Variants in TEPSIN observed in about 807,000 individuals in gnomAD.
The protein encoded by TEPSIN is TEPSIN adaptor related protein complex 4 accessory protein.
Under a neutral mutation model 48.5 loss-of-function variants are expected in TEPSIN, and 50 were observed. The ratio of observed to expected loss-of-function variants is 1.03; its 90% CI spans 0.82 to 1.31. TEPSIN has a LOEUF of 1.31. Ranked by LOEUF, TEPSIN falls within the 50% of genes most tolerant of loss-of-function variation. The pLI is 0.00. For missense variants in TEPSIN, 838 were observed against 815.9 expected (o/e 1.03, Z -0.33); for synonymous variants, 392 against 358.8 (o/e 1.09, Z -1.05).
chr17:81,230,721 G>C lies in TEPSIN; in HGVS notation c.1099-43C>G. On this transcript the variant is annotated intron_variant, in intron 11 of 12. Coordinates refer to ENST00000637944, the MANE Select transcript of TEPSIN (RefSeq NM_001363764.2). The surrounding 1 kb of genome is among the most constrained non-coding windows in gnomAD (Gnocchi z 4.2). ...GGACATCAGCACCCATGGGGCAGCAGGTCCACGCCAGGGAGGCCTATTTGG... is the reference window on the plus strand; with the variant it reads ...GGACATCAGCACCCATGGGGCAGCACGTCCACGCCAGGGAGGCCTATTTGG... The C allele has an allele frequency of 6.7e-7, 1 of 1,482,306 alleles. No individual in the cohort carries two copies. Among genetic ancestry groups the C allele is most frequent in the Non-Finnish European group, 9.0e-7 (1 of 1,115,244 alleles). The allele number at this position is 1,482,306 out of a possible 1,614,324, so 91.8% of individuals were successfully genotyped here. A position where few individuals can be genotyped will look rare whatever the true frequency, so the allele number is the denominator to read the frequency against.
At position 81,239,035 on chromosome 17, in the gene TEPSIN, A is replaced by T. The variant is rs1226046598; in HGVS notation, c.-2T>A. The T allele has an allele frequency of 1.3e-6, 2 of 1,492,884 alleles. No homozygotes were observed. Among genetic ancestry groups the T allele is most frequent in the Non-Finnish European group, 1.8e-6 (2 of 1,126,150 alleles). 92.5% of individuals were successfully genotyped at this position (1,492,884 alleles called of 1,614,324 possible). A position where few individuals can be genotyped will look rare whatever the true frequency, so the allele number is the denominator to read the frequency against. On this transcript the variant is annotated 5_prime_UTR_variant, in exon 1 of 13. Coordinates refer to ENST00000637944, the MANE Select transcript of TEPSIN (RefSeq NM_001363764.2). ...CCGTAGCGGCGGCGCGGCAGCCATG[A>T]TCCAGGTCCCCTCCCGGTCTGCCCC... is the stretch of plus-strand genomic sequence containing the variant.
intron 1 of TEPSIN, chr17:81,238,067 T>A: frequency 1.0e-6 from 1 of 991,916 alleles, no homozygotes; most frequent in Non-Finnish European, 1.2e-6. Flanking sequence ...TTATTCAGTA[T>A]CAGGACAGAA....
intron 1 of TEPSIN, 56 bp from the exon 2 acceptor site, chr17:81,237,515 A>T: frequency 6.5e-7 from 1 of 1,537,074 alleles, no homozygotes; most frequent in Non-Finnish European, 8.8e-7. Context: ...ACAGGGGTGA[A>T]TCCGCAGCCC....
At chr17:81,231,057 G>A (rs1052989591) in intron 11 of TEPSIN, 8 of 489,528 alleles carry the variant, frequency 1.6e-5, no homozygotes, top group African/African-American at 6.0e-5. Flanking sequence ...ACGCACACAC[G>A]TGTCCACACT....
At chr17:81,231,816 C>T in intron 9 of TEPSIN, 31 bp downstream of exon 9, 3 of 1,610,566 alleles carry the variant, frequency 1.9e-6, no homozygotes, top group Non-Finnish European at 2.5e-6. Context: ...CCTCCGAGAC[C>T]TCTCCCACAT....
At position 81,238,980 on chromosome 17, in the gene TEPSIN, A is replaced by C. The variant is rs774148083; in HGVS notation, c.48+6T>G. ...ACCGGGGCCCGGGCGGACCGCCCTCACTCACCCGGTGTAGAAAGCTCAGGC... is the reference window on the plus strand; with the variant it reads ...ACCGGGGCCCGGGCGGACCGCCCTCCCTCACCCGGTGTAGAAAGCTCAGGC... On this transcript the variant is annotated splice_donor_region_variant and intron_variant, in intron 1 of 12. Coordinates refer to ENST00000637944, the MANE Select transcript of TEPSIN (RefSeq NM_001363764.2). The C allele has an allele frequency of 2.9e-5, 43 of 1,471,602 alleles. No individual in the cohort carries two copies. The highest frequency in any genetic ancestry group is 3.5e-5 in the Non-Finnish European group (39 of 1,118,092). 91.2% of individuals were successfully genotyped at this position (1,471,602 alleles called of 1,614,324 possible).
chr17:81,238,040 A>C (rs1354491945), intron 1 of TEPSIN: 12 of 992,780 alleles, frequency 1.2e-5, no homozygotes, highest in Non-Finnish European at 1.4e-5. Flanking sequence ...TGAAAACTGG[A>C]ACCACCCATT....
chr17:81,236,314 G>A (rs2062719259), intron 4 of TEPSIN, among the ~76,000 whole-genome samples: 1 of 152,264 alleles, frequency 6.6e-6, no homozygotes, highest in South Asian at 2.1e-4. Flanking sequence ...GCCTGGGAAG[G>A]ATGTGTGAAC....
At chr17:81,232,247 C>T (rs991622344) in intron 8 of TEPSIN, 68 bp downstream of exon 8, 16 of 1,439,678 alleles carry the variant, frequency 1.1e-5, no homozygotes, top group East Asian at 7.5e-5. Context: ...CCTCCGTGGC[C>T]GCAAAGCCCC....
intron 12 of TEPSIN, chr17:81,229,899 C>T: frequency 4.6e-6 from 1 of 215,164 alleles, no homozygotes; most frequent in South Asian, 7.2e-5. Context: ...GGTGCGAACC[C>T]CAGGCTCACT....
chr17:81,231,038 C>A (rs146017948), intron 11 of TEPSIN: 4 of 168,492 alleles, frequency 2.4e-5, no homozygotes, highest in Admixed American at 8.5e-5. Flanking sequence ...TCCGCACGCC[C>A]CCCGACACAC....
intron 12 of TEPSIN, chr17:81,229,917 C>G (rs531610267): frequency 5.0e-6 from 1 of 199,458 alleles, no homozygotes; most frequent in African/African-American, 2.4e-5. Context: ...ACTCGTCGCT[C>G]TGACTGAAAG....
chr17:81,229,102 G>C lies in TEPSIN; in HGVS notation c.1608C>G (p.Asp536Glu). 6.2e-7 allele frequency: 1 copy of C among 1,613,566 alleles called. No individual in the cohort carries two copies. Among genetic ancestry groups the C allele is most frequent in the Middle Eastern group, 1.6e-4 (1 of 6,062 alleles). ...RGPSSCAWSR[D>E]SLFAGMELVA... ...CCAGCTCCATGCCAGCAAACAAGGA[G>C]TCGCGGCTCCACGCACAGCTGCTGG... The change falls in exon 13 of 13, where the codon GAC becomes GAG. Residue 536 changes from aspartate (D) to glutamate (E), a missense_variant. Coordinates refer to ENST00000637944, the MANE Select transcript of TEPSIN (RefSeq NM_001363764.2).
chr17:81,233,830 C>T lies in TEPSIN; in HGVS notation c.376-114G>A. On this transcript the variant is annotated intron_variant, in intron 5 of 12. Transcript: ENST00000637944. This position sits in a 1 kb window ranked among gnomAD's most constrained non-coding sequence, Gnocchi z 5.8. ...CGGACACTTCTCCTGAGCCACTCAG[C>T]TGGACACAGGCTCTGTGTCCACCAG... 1 of 1,374,694 alleles carries T rather than the reference C, an allele frequency of 7.3e-7. No homozygotes were observed. The highest frequency in any genetic ancestry group is 9.8e-7 in the Non-Finnish European group (1 of 1,019,322). 85.2% of individuals were successfully genotyped at this position (1,374,694 alleles called of 1,614,324 possible).
Position 81,234,179 on chromosome 17 carries a change from G to A in TEPSIN, c.308-131C>T. On this transcript the variant is annotated intron_variant, in intron 4 of 12. Transcript: ENST00000637944. The surrounding 1 kb of genome is among the most constrained non-coding windows in gnomAD (Gnocchi z 5.4). ...CCAAGGCCCTTCTGTCACAGCCAAT[G>A]GGATGCCCTCCTCCAGGACCCTGCA... 1 of 718,600 alleles carries A rather than the reference G, an allele frequency of 1.4e-6. No homozygotes were observed. The highest frequency in any genetic ancestry group is 2.2e-6 in the Non-Finnish European group (1 of 455,264). The allele number at this position is 718,600 out of a possible 1,614,324, so 44.5% of individuals were successfully genotyped here. A position where few individuals can be genotyped will look rare whatever the true frequency, so the allele number is the denominator to read the frequency against.
At position 81,231,995 on chromosome 17, in the gene TEPSIN, C is replaced by T. The variant is rs552365485; in HGVS notation, c.757G>A (p.Gly253Arg). ...CTGTCCAGCTCATCCCAGCCCCCTC[C>T]GGCCTGCCCAGGCTGATGCCTCACA... ...RAVRHQPGQA[G>R]GGWDELDSGP... Residue 253 changes from glycine to arginine, a missense_variant, in exon 9 of 13, where the codon GGA (glycine) becomes AGA (arginine). Physicochemically the swap from Gly to Arg is moderately radical, Grantham distance 125 (BLOSUM62 -2). Transcript: ENST00000637944. 2.0e-5 allele frequency: 33 copies of T among 1,611,216 alleles called. No homozygotes were observed. Among genetic ancestry groups the T allele is most frequent in the Middle Eastern group, 1.6e-4 (1 of 6,084 alleles).
rs1339156950 is a variant in TEPSIN at position 81,229,434 on chromosome 17, C to G, written c.1276G>C (p.Ala426Pro). The G allele has an allele frequency of 6.5e-7, 1 of 1,549,848 alleles. No individual in the cohort carries two copies. The highest frequency in any genetic ancestry group is 2.0e-5 in the Admixed American group (1 of 50,734). Residue 426 changes from alanine to proline, a missense_variant, in exon 13 of 13, where the codon GCC (alanine) becomes CCC (proline). Transcript: ENST00000637944. ...FEASCGQLSPARGTSAEPGPT... is the reference protein window; with the variant it reads ...FEASCGQLSPPRGTSAEPGPT... Reference sequence around the variant, plus strand: ...CCAGGCTCAGCTGAGGTGCCCCGGGCAGGGGACAGCTGCCCACAGGAGGCC... The same window carrying G: ...CCAGGCTCAGCTGAGGTGCCCCGGGGAGGGGACAGCTGCCCACAGGAGGCC...
rs748285363 is a variant in TEPSIN at position 81,233,713 on chromosome 17, A to G, written c.379T>C (p.Leu127=). Residue 127 remains leucine, a synonymous_variant, in exon 6 of 13, where the codon TTG becomes CTG. Coordinates refer to ENST00000637944, the MANE Select transcript of TEPSIN (RefSeq NM_001363764.2). The surrounding 1 kb of genome is among the most constrained non-coding windows in gnomAD (Gnocchi z 5.8). ...GTGTCCGAGAACAGGGTGCTCCCCA[A>G]GTCCTACAGGGGGAGGCGAAGGCCC... ...YQKVRAAAQD[L]GSTLFSDTVL... 6.3e-6 allele frequency: 10 copies of G among 1,596,924 alleles called. No homozygotes were observed. In the South Asian group the frequency reaches 9.1e-5, roughly 15 times the overall value.
chr17:81,228,644 A>T lies in TEPSIN; in HGVS notation c.*284T>A, dbSNP rs2146815208. 2.0e-6 allele frequency: 1 copy of T among 505,078 alleles called. No homozygotes were observed. Among genetic ancestry groups the T allele is most frequent in the African/African-American group, 2.0e-5 (1 of 49,612 alleles). 31.3% of individuals were successfully genotyped at this position (505,078 alleles called of 1,614,324 possible). ...ACCTGGTAGTCGCTTCCGCATTCAT[A>T]CAAGAAACCTCATGTCTGAGAGCAA... On this transcript the variant is annotated 3_prime_UTR_variant, in exon 13 of 13. Coordinates refer to ENST00000637944, the MANE Select transcript of TEPSIN (RefSeq NM_001363764.2).
Sources: allele counts gnomAD v4.1 joint callset (sites outside exome capture counted in the v4.1 genomes callset), GRCh38; gene constraint gnomAD v4.1.1; non-coding constraint Gnocchi (gnomAD v3.1); transcripts MANE v1.5; gene names NCBI Gene and HGNC (gene_info 2026-07-23, HGNC 2026-07-21).